Variants in KCNH8 observed in about 807,000 individuals in gnomAD.
The protein encoded by KCNH8 is voltage-gated delayed rectifier potassium channel KCNH8.
KCNH8 carries 70 observed loss-of-function variants against 103.6 expected under a neutral mutation model. That is an observed-to-expected ratio of 0.68 (90% confidence interval 0.56 to 0.82). KCNH8 has a LOEUF of 0.82. Ranked by LOEUF, KCNH8 falls within the 40% of genes least tolerant of loss-of-function variation. KCNH8 has a pLI of 0.00. For missense variants in KCNH8, 1,217 were observed against 1,329.9 expected (o/e 0.92, Z 1.32); for synonymous variants, 498 against 489.4 (o/e 1.02, Z -0.23).
In KCNH8 at chr3:19,450,821, G is replaced by A. The variant is rs1246792196; in HGVS notation, c.1576-334G>A. ...TGATTAATTGGTTTCTCCTCTCTTC[G>A]CATAATCACCAGTGGGTCCAAATTC... On this transcript the variant is annotated intron_variant, in intron 9 of 15. Transcript: ENST00000328405. 6 of 287,972 alleles carry A rather than the reference G, an allele frequency of 2.1e-5. No individual in the cohort carries two copies. In the East Asian group the frequency reaches 3.6e-4, roughly 17 times the overall value. 17.8% of individuals were successfully genotyped at this position (287,972 alleles called of 1,614,324 possible). A position where few individuals can be genotyped will look rare whatever the true frequency, so the allele number is the denominator to read the frequency against.
intron 2 of KCNH8, among the ~76,000 whole-genome samples, chr3:19,271,911 C>A (rs2064593782): frequency 6.6e-6 from 1 of 152,048 alleles, no homozygotes; most frequent in South Asian, 2.1e-4. Context: ...TTGGAAGTAA[C>A]ACAAATTTGT....
intron 7 of KCNH8, among the ~76,000 whole-genome samples, chr3:19,411,579 T>C (rs2066779699): frequency 6.6e-6 from 1 of 151,964 alleles, no homozygotes; most frequent in African/African-American, 2.4e-5. Context: ...AAACTCTCTT[T>C]TGGGGAGATA....
At chr3:19,194,127 G>A (rs543633320) in intron 1 of KCNH8, among the ~76,000 whole-genome samples, 1 of 151,746 alleles carries the variant, frequency 6.6e-6, no homozygotes, top group African/African-American at 2.4e-5. Context: ...ACTTGTTATG[G>A]CATTTAAAAT....
intron 3 of KCNH8, among the ~76,000 whole-genome samples, chr3:19,283,630 A>C (rs1315216485): frequency 2.0e-5 from 3 of 152,038 alleles, no homozygotes; most frequent in Non-Finnish European, 4.4e-5. Context: ...AACTGTTGTA[A>C]GTCACTATGG....
chr3:19,269,267 C>A (rs2064555572), intron 2 of KCNH8, among the ~76,000 whole-genome samples: 1 of 152,046 alleles, frequency 6.6e-6, no homozygotes, highest in South Asian at 2.1e-4. Flanking sequence ...ATAAGGAGAG[C>A]TATTTTTCTT....
chr3:19,405,368 ATC>A (rs2066676099), intron 7 of KCNH8, among the ~76,000 whole-genome samples: 1 of 151,868 alleles, frequency 6.6e-6, no homozygotes, highest in African/African-American at 2.4e-5. Context: ...AATAATATGT[ATC>A]TAATAATGTT....
intron 3 of KCNH8, among the ~76,000 whole-genome samples, chr3:19,339,254 CT>C (rs1559482779): frequency 1.3e-5 from 2 of 152,040 alleles, no homozygotes; most frequent in Admixed American, 1.3e-4. Flanking sequence ...AATTAGATAT[CT>C]CACTGAGAAG....
At chr3:19,284,113 A>G (rs1018258375) in intron 3 of KCNH8, among the ~76,000 whole-genome samples, 2 of 152,106 alleles carry the variant, frequency 1.3e-5, no homozygotes, top group Non-Finnish European at 2.9e-5. Context: ...AAATGTCACC[A>G]TGTAACTGTA....
At chr3:19,418,752 T>G (rs184890568) in intron 7 of KCNH8, among the ~76,000 whole-genome samples, 65 of 152,312 alleles carry the variant, frequency 4.3e-4, no homozygotes, top group South Asian at 1.9e-3. Context: ...TTTAGAAAGT[T>G]TAATGCAAAC....
intron 3 of KCNH8, among the ~76,000 whole-genome samples, chr3:19,336,706 A>G (rs994241015): frequency 2.0e-5 from 3 of 152,026 alleles, no homozygotes; most frequent in Admixed American, 2.0e-4. Flanking sequence ...TCAATGCTAT[A>G]TAATTTAGAA....
At chr3:19,503,465 A>G (rs2068629576) in intron 11 of KCNH8, among the ~76,000 whole-genome samples, 1 of 152,214 alleles carries the variant, frequency 6.6e-6, no homozygotes, top group Non-Finnish European at 1.5e-5. Context: ...GCTGCTATAA[A>G]GACACATGCA....
At chr3:19,471,433 A>G (rs2067853800) in intron 11 of KCNH8, among the ~76,000 whole-genome samples, 1 of 152,160 alleles carries the variant, frequency 6.6e-6, no homozygotes, top group Non-Finnish European at 1.5e-5. Context: ...AGGCCTATGA[A>G]GTGCAGTGTT....
chr3:19,349,172 A>T (rs1216323465), intron 5 of KCNH8, among the ~76,000 whole-genome samples: 3 of 151,986 alleles, frequency 2.0e-5, no homozygotes, highest in Non-Finnish European at 2.9e-5. Flanking sequence ...TTTATTTTTA[A>T]TTTTTTTATT....
chr3:19,291,521 C>T (rs147766039), intron 3 of KCNH8, among the ~76,000 whole-genome samples: 3,581 of 152,226 alleles, frequency 0.024, 110 homozygotes, highest in East Asian at 0.084. Context: ...CATTGAGGAG[C>T]AGGTTGTTCA....
intron 4 of KCNH8, among the ~76,000 whole-genome samples, chr3:19,344,708 AT>A (rs375479487): frequency 3.9e-4 from 60 of 152,202 alleles, no homozygotes; most frequent in African/African-American, 1.4e-3. Flanking sequence ...AGTTTATTGA[AT>A]AAACAATAAA....
At chr3:19,162,455 C>A (rs1458064888) in intron 1 of KCNH8, among the ~76,000 whole-genome samples, 1 of 151,494 alleles carries the variant, frequency 6.6e-6, no homozygotes, top group African/African-American at 2.4e-5. Flanking sequence ...TGCAGTGAGC[C>A]AAGATCACGC....
At chr3:19,182,277 C>G (rs1205022242) in intron 1 of KCNH8, among the ~76,000 whole-genome samples, 1 of 152,074 alleles carries the variant, frequency 6.6e-6, no homozygotes, top group African/African-American at 2.4e-5. Context: ...GCCTGTAATC[C>G]CAGCACTTTC....
At chr3:19,464,790 C>T (rs2067702505) in intron 11 of KCNH8, among the ~76,000 whole-genome samples, 1 of 151,964 alleles carries the variant, frequency 6.6e-6, no homozygotes, top group South Asian at 2.1e-4. Context: ...TCCAAATGGC[C>T]AACAGTTTGA....
intron 5 of KCNH8, among the ~76,000 whole-genome samples, chr3:19,357,077 A>G (rs774931409): frequency 8.6e-5 from 13 of 151,876 alleles, no homozygotes; most frequent in Non-Finnish European, 1.5e-4. Flanking sequence ...GTTCTAAACC[A>G]TTGCTAATTT....
Sources: gnomAD v4.1 joint callset for allele counts (sites outside exome capture counted in the v4.1 genomes callset) on GRCh38, gnomAD v4.1.1 for gene constraint, MANE v1.5 for transcripts, NCBI Gene and HGNC (gene_info 2026-07-23, HGNC 2026-07-21) for gene names.